STAT5B: variants seen among roughly 807,000 people sequenced by gnomAD.
STAT5B encodes transcription factor STAT5B.
Under a neutral mutation model 107.8 loss-of-function variants are expected in STAT5B, and 21 were observed. The observed-to-expected ratio is 0.19, with a 90% CI of 0.14 to 0.28. STAT5B has a LOEUF of 0.28. Among genes scored for constraint, STAT5B ranks in the 10% least tolerant of loss-of-function variants. STAT5B has a pLI of 1.00. For synonymous variants in STAT5B, 325 were observed against 401.7 expected (o/e 0.81, Z 2.28); for missense variants, 565 against 1,008.2 (o/e 0.56, Z 5.95).
Position 42,210,452 on chromosome 17 carries a change from C to A in STAT5B, c.1726G>T (p.Gly576Cys). The change falls in exon 14 of 19, where the codon GGT becomes TGT. Residue 576 changes from glycine (G) to cysteine (C), a missense_variant. Gly to Cys is a radical substitution (Grantham distance 159). This residue lies in a region of STAT5B where 127 missense variants were observed against 215.8 expected (regional missense o/e 0.59). Coordinates refer to ENST00000293328, the MANE Select transcript of STAT5B (RefSeq NM_012448.4). ...TGTTTTTTTAACACTTCCATCACAC[C>A]GTCAAACCATTGCCAGAAAGTGTAA... ...RNYTFWQWFD[G>C]VMEVLKKHLK... 6.2e-7 allele frequency: 1 copy of A among 1,614,080 alleles called. No individual in the cohort carries two copies. The highest frequency in any genetic ancestry group is 8.5e-7 in the Non-Finnish European group (1 of 1,180,012).
chr17:42,223,842 G>A (rs1159057294), intron 4 of STAT5B, among the ~76,000 whole-genome samples: 1 of 152,096 alleles, frequency 6.6e-6, no homozygotes, highest in Non-Finnish European at 1.5e-5. Context: ...ATTACCTTTG[G>A]AGAAACTAGA....
chr17:42,213,196 G>A (rs187975969), intron 12 of STAT5B, among the ~76,000 whole-genome samples: 2 of 152,204 alleles, frequency 1.3e-5, no homozygotes, highest in African/African-American at 2.4e-5. Flanking sequence ...TATATATGGA[G>A]AATAAATTTC....
intron 1 of STAT5B, among the ~76,000 whole-genome samples, chr17:42,245,480 C>A (rs2080443776): frequency 6.6e-6 from 1 of 151,640 alleles, no homozygotes; most frequent in Non-Finnish European, 1.5e-5. Flanking sequence ...GCCTCCTGAG[C>A]AGCTGGGACC....
intron 1 of STAT5B, among the ~76,000 whole-genome samples, chr17:42,247,448 T>C (rs1430455640): frequency 6.6e-6 from 1 of 152,206 alleles, no homozygotes; most frequent in Non-Finnish European, 1.5e-5. Flanking sequence ...ATGTTTTAGT[T>C]AAAACAATAC....
In STAT5B at chr17:42,250,587, A is replaced by G. The variant is rs1342184555; in HGVS notation, c.-10-18450T>C. On this transcript the variant is annotated intron_variant, in intron 1 of 18. Coordinates refer to ENST00000293328, the MANE Select transcript of STAT5B (RefSeq NM_012448.4). ...AATAAATATTCAAGGAGTTTTGTCCACCTTCGGAGCTCAGGCTGTGAACCA... is the reference window on the plus strand; with the variant it reads ...AATAAATATTCAAGGAGTTTTGTCCGCCTTCGGAGCTCAGGCTGTGAACCA... Among the ~76,000 whole-genome samples, 3 of 152,262 alleles carry G rather than the reference A, an allele frequency of 2.0e-5. No homozygotes were observed. The East Asian group carries it at 5.8e-4, about 29-fold the overall frequency.
rs2080191165 is a variant in STAT5B, at chr17:42,218,311, G to T, written c.1009C>A (p.Gln337Lys). Reference protein sequence around the residue: ...LVTSTFIIEKQPPQVLKTQTK... With the variant: ...LVTSTFIIEKKPPQVLKTQTK... ...TGGGTCTTCAGGACCTGAGGAGGCT[G>T]CTTCTCAATGATGAACGTGCTGCAG... The change falls in exon 9 of 19, where the codon CAG (glutamine) becomes AAG (lysine). Residue 337 changes from glutamine (Q) to lysine (K), a missense_variant. Around this residue, in one of 11 missense-constraint regions of STAT5B, gnomAD observed 48 missense variants for 106.5 expected, o/e 0.45. Transcript: ENST00000293328. The T allele has an allele frequency of 1.1e-5, 17 of 1,613,892 alleles. No homozygotes were observed. The highest frequency in any genetic ancestry group is 1.2e-5 in the Non-Finnish European group (14 of 1,179,912).
intron 1 of STAT5B, chr17:42,271,561 T>G (rs767911017): frequency 6.9e-6 from 1 of 144,234 alleles, no homozygotes; most frequent in Non-Finnish European, 1.5e-5. Context: ...TCTCTTCATA[T>G]TAGAAAAGTA....
At chr17:42,229,377 T>G (rs1262386764) in intron 2 of STAT5B, among the ~76,000 whole-genome samples, 1 of 151,362 alleles carries the variant, frequency 6.6e-6, no homozygotes, top group Non-Finnish European at 1.5e-5. Context: ...CTCAAACTCC[T>G]GATCTCAAGT....
Position 42,267,598 on chromosome 17 carries a change from G to A in STAT5B, c.-11+8650C>T, listed in dbSNP as rs185782018. ...AGAATAAAAACATAAAGAAAATATT[G>A]TTGCACAGCTGTACATGTTTATGTG... is the stretch of plus-strand genomic sequence containing the variant. On this transcript the variant is annotated intron_variant, in intron 1 of 18. Transcript: ENST00000293328. Among the ~76,000 whole-genome samples, 298 of 152,232 alleles carry A rather than the reference G, an allele frequency of 2.0e-3. 4 individuals are homozygous for A. Among genetic ancestry groups the A allele is most frequent in the Admixed American group, 0.018 (274 of 15,286 alleles).
At chr17:42,276,936 G>C (rs1400885579), upstream of STAT5B, among the ~76,000 whole-genome samples, 1 of 152,206 alleles carries the variant, frequency 6.6e-6, no homozygotes, top group Non-Finnish European at 1.5e-5. The surrounding 1 kb of genome is among the most constrained non-coding windows in gnomAD (Gnocchi z 4.8). Context: ...GCATGGGCAC[G>C]GCAGGAATTC....
chr17:42,238,451 C>CT (rs75642417), intron 1 of STAT5B, among the ~76,000 whole-genome samples: 3,889 of 124,840 alleles, frequency 0.031, 238 homozygotes, highest in African/African-American at 0.098. Flanking sequence ...TGTGCCTGGC[C>CT]TTTTTTTTTT....
chr17:42,213,142 T>G (rs533467756), intron 12 of STAT5B, among the ~76,000 whole-genome samples: 4 of 152,218 alleles, frequency 2.6e-5, no homozygotes, highest in Non-Finnish European at 5.9e-5. Context: ...CTAACAATGC[T>G]GCAATGTTCT....
chr17:42,253,140 T>TTTCTTTC lies in STAT5B; in HGVS notation c.-10-21004_-10-21003insGAAAGAA, dbSNP rs550252928. 4.3e-3 allele frequency among the ~76,000 whole-genome samples: 634 copies of TTTCTTTC among 148,776 alleles called. 2 individuals carry two copies. Among genetic ancestry groups the TTTCTTTC allele is most frequent in the African/African-American group, 0.015 (597 of 39,318 alleles). ...TCTTTCTTTCTTTCTTTCTTTCTTT[T>TTTCTTTC]TTTCATCTCTGTGAGTTCTTCAACT... On this transcript the variant is annotated intron_variant, in intron 1 of 18. Transcript: ENST00000293328.
intron 1 of STAT5B, among the ~76,000 whole-genome samples, chr17:42,262,841 T>TATATATGTGTATATATACACAC: frequency 9.8e-6 from 1 of 101,790 alleles, no homozygotes; most frequent in African/African-American, 4.8e-5. Flanking sequence ...TATACACACA[T>TATATATGTGTATATATACACAC]ATATATGTAT....
At chr17:42,279,190 GAAAA>G (rs59058357), upstream of STAT5B, among the ~76,000 whole-genome samples, 1 of 121,310 alleles carries the variant, frequency 8.2e-6, no homozygotes. Flanking sequence ...CTCAAAAAAA[GAAAA>G]AAAAAAAAAA....
At chr17:42,262,883 CAT>C (rs563375027) in intron 1 of STAT5B, among the ~76,000 whole-genome samples, 3,285 of 106,600 alleles carry the variant, frequency 0.031, 190 homozygotes, top group African/African-American at 0.11. Flanking sequence ...TATATATACA[CAT>C]ATATATGTGT....
At chr17:42,217,752 G>GATCTCAGCTCACTGCA (rs895202329) in intron 9 of STAT5B, 2 of 469,918 alleles carry the variant, frequency 4.3e-6, no homozygotes, top group Non-Finnish European at 7.7e-6. Context: ...GCAGTGGCGT[G>GATCTCAGCTCACTGCA]ATCTCAGCTC....
chr17:42,232,261 A>T (rs11653908), intron 1 of STAT5B, 124 bp from the exon 2 acceptor site: 3 of 1,062,708 alleles, frequency 2.8e-6, no homozygotes, highest in Admixed American at 7.9e-5. Context: ...TTTTATTTTT[A>T]TTTTTTTGAG....
upstream of STAT5B, chr17:42,276,729 G>C (rs1478552891): frequency 6.6e-6 from 1 of 151,860 alleles, no homozygotes; most frequent in African/African-American, 2.4e-5. The surrounding 1 kb of genome is among the most constrained non-coding windows in gnomAD (Gnocchi z 4.8). Flanking sequence ...ACCACCACTA[G>C]CAGGGCTAGG....
Sources: gnomAD v4.1 joint callset for allele counts (sites outside exome capture counted in the v4.1 genomes callset) on GRCh38, gnomAD v4.1.1 for gene constraint, gnomAD v4.1.1 regional missense constraint, Gnocchi (gnomAD v3.1) non-coding constraint, MANE v1.5 for transcripts, NCBI Gene and HGNC (gene_info 2026-07-23, HGNC 2026-07-21) for gene names.